SUSD2: variants seen among roughly 807,000 people sequenced by gnomAD.
SUSD2 encodes sushi domain containing 2, also known as sushi domain-containing protein 2.
In SUSD2, 86 loss-of-function variants were observed where a neutral mutation model predicts 93.8. That is an observed-to-expected ratio of 0.92 (90% CI 0.77 to 1.10). The LOEUF is 1.10. SUSD2 is among the 50% of genes least tolerant of loss of function. The pLI, the probability that SUSD2 is intolerant of heterozygous loss-of-function variation, is 0.00. For missense variants in SUSD2, 1,060 were observed against 1,137.0 expected (o/e 0.93, Z 0.97); for synonymous variants, 483 against 485.0 (o/e 1.00, Z 0.05).
intron 6 of SUSD2, 93 bp downstream of exon 6, chr22:24,185,388 G>C: frequency 6.5e-7 from 1 of 1,537,158 alleles, no homozygotes; most frequent in South Asian, 1.2e-5. Flanking sequence ...GTGTCCTGGA[G>C]GGTGGGGCTG....
rs2047380005 is a variant in SUSD2 at position 24,187,773 on chromosome 22, C to A, written c.2094C>A (p.Ser698Arg). 1 of 1,613,902 alleles carries A rather than the reference C, an allele frequency of 6.2e-7. No individual in the cohort carries two copies. Among genetic ancestry groups the A allele is most frequent in the Non-Finnish European group, 8.5e-7 (1 of 1,180,016 alleles). ...ACTTTGATGTGGCAGCCACTGGGAG[C>A]CTGAGCACGGGCACTGCCACTCGGG... Reference protein sequence around the residue: ...FCNFDVAATGSLSTGTATRVA... With the variant: ...FCNFDVAATGRLSTGTATRVA... The change falls in exon 12 of 15, where the codon AGC becomes AGA. Residue 698 changes from serine (S) to arginine (R), a missense_variant. Around this residue, in one of 2 missense-constraint regions of SUSD2, gnomAD observed 973 missense variants for 1,005.3 expected, o/e 0.97. Transcript: ENST00000358321.
In SUSD2 at chr22:24,188,270, C is replaced by A. The variant is rs775599270; in HGVS notation, c.2387C>A (p.Ala796Glu). 6.2e-7 allele frequency: 1 copy of A among 1,604,840 alleles called. No homozygotes were observed. Among genetic ancestry groups the A allele is most frequent in the Non-Finnish European group, 8.5e-7 (1 of 1,175,168 alleles). ...TTGGGCATCATCTTTGGGGGCCTCGCGGTGGTGGCGGCGGTTGCGCTCGTC... is the reference window on the plus strand; with the variant it reads ...TTGGGCATCATCTTTGGGGGCCTCGAGGTGGTGGCGGCGGTTGCGCTCGTC... Reference protein sequence around the residue: ...VLLGIIFGGLAVVAAVALVYV... With the variant: ...VLLGIIFGGLEVVAAVALVYV... Residue 796 changes from alanine to glutamate, a missense_variant, in exon 14 of 15, where the codon GCG becomes GAG. By Grantham distance (107) the Ala-to-Glu change is moderately radical (BLOSUM62 -1). Transcript: ENST00000358321. The surrounding 1 kb of genome is among the most constrained non-coding windows in gnomAD (Gnocchi z 4.7).
At position 24,188,586 on chromosome 22, in the gene SUSD2, A is replaced by G. The variant is rs529717296; in HGVS notation, c.*150A>G. 4.2e-5 allele frequency: 30 copies of G among 713,322 alleles called. No individual in the cohort carries two copies. Among genetic ancestry groups the G allele is most frequent in the Non-Finnish European group, 6.0e-5 (26 of 430,964 alleles). The allele number at this position is 713,322 out of a possible 1,614,324, so 44.2% of individuals were successfully genotyped here. A position where few individuals can be genotyped will look rare whatever the true frequency, so the allele number is the denominator to read the frequency against. On this transcript the variant is annotated 3_prime_UTR_variant, in exon 15 of 15. Coordinates refer to ENST00000358321, the MANE Select transcript of SUSD2 (RefSeq NM_019601.4). The surrounding 1 kb of genome is among the most constrained non-coding windows in gnomAD (Gnocchi z 4.7). ...CCCCTACTCTGTCATCTCAGACCCCAGGCAGGAGGCCCAGTGTTCCAACAC... is the reference window on the plus strand; with the variant it reads ...CCCCTACTCTGTCATCTCAGACCCCGGGCAGGAGGCCCAGTGTTCCAACAC...
chr22:24,188,265 C>T lies in SUSD2; in HGVS notation c.2382C>T (p.Gly794=), dbSNP rs1467652133. ...TGCTGTTGGGCATCATCTTTGGGGG[C>T]CTCGCGGTGGTGGCGGCGGTTGCGC... ...YAVLLGIIFG[G]LAVVAAVALV... The change falls in exon 14 of 15, where the codon GGC becomes GGT. Residue 794 remains glycine (G), a synonymous_variant. Coordinates refer to ENST00000358321, the MANE Select transcript of SUSD2 (RefSeq NM_019601.4). This position sits in a 1 kb window ranked among gnomAD's most constrained non-coding sequence, Gnocchi z 4.7. 1 of 1,604,762 alleles carries T rather than the reference C, an allele frequency of 6.2e-7. No individual in the cohort carries two copies. The highest frequency in any genetic ancestry group is 8.5e-7 in the Non-Finnish European group (1 of 1,174,972).
chr22:24,187,488 G>C, intron 11 of SUSD2, 38 bp downstream of exon 11: 5 of 1,607,212 alleles, frequency 3.1e-6, no homozygotes, highest in Non-Finnish European at 4.3e-6. Flanking sequence ...GACGGGGTGG[G>C]GGTTACTGGA....
At chr22:24,183,955 GAGGGC>G in intron 3 of SUSD2, 176 bp from the exon 4 acceptor site, 1 of 682,278 alleles carries the variant, frequency 1.5e-6, no homozygotes, top group Non-Finnish European at 2.4e-6. Flanking sequence ...GCAGTGGAGG[GAGGGC>G]AGGCCCCTGC....
At chr22:24,186,582 CCACCTGGTCAAAAG>C (rs1420589643) in intron 10 of SUSD2, 167 bp downstream of exon 10, 14 of 772,192 alleles carry the variant, frequency 1.8e-5, no homozygotes, top group African/African-American at 3.5e-5. Flanking sequence ...CCCGTCGTAC[CCACCTGGTCAAAAG>C]CCGAGAGGCC....
chr22:24,184,407 G>C, intron 4 of SUSD2, 104 bp downstream of exon 4: 1 of 1,233,928 alleles, frequency 8.1e-7, no homozygotes, highest in Non-Finnish European at 1.1e-6. Context: ...TTCCAGGTGG[G>C]GTTGAGGAGG....
At position 24,188,504 on chromosome 22, in the gene SUSD2, C is replaced by T; in HGVS notation, c.*68C>T. 6.7e-7 allele frequency: 1 copy of T among 1,495,154 alleles called. No homozygotes were observed. The highest frequency in any genetic ancestry group is 9.2e-7 in the Non-Finnish European group (1 of 1,085,972). The allele number at this position is 1,495,154 out of a possible 1,614,324, so 92.6% of individuals were successfully genotyped here. ...AACAGGCAGCCCAGTCCTGCGACTC[C>T]CGCATCCCCAGGACCAGACACCTGG... On this transcript the variant is annotated 3_prime_UTR_variant, in exon 15 of 15. Transcript: ENST00000358321. This position sits in a 1 kb window ranked among gnomAD's most constrained non-coding sequence, Gnocchi z 4.7.
In SUSD2 at chr22:24,185,498, T is replaced by C. The variant is rs779927420; in HGVS notation, c.997T>C (p.Cys333Arg). The change falls in exon 7 of 15, where the codon TGT becomes CGT. Residue 333 changes from cysteine to arginine, a missense_variant. This residue lies in a region of SUSD2 where 973 missense variants were observed against 1,005.3 expected (regional missense o/e 0.97). Transcript: ENST00000358321. ...DSGRFFTDYG[C>R]DMEQGSVCTY... ...TGCTGCTCTGCAGACGGACTACGGC[T>C]GTGACATGGAGCAGGGCAGCGTGTG... 1.9e-5 allele frequency: 29 copies of C among 1,567,076 alleles called. 1 individual carries two copies. Among genetic ancestry groups the C allele is most frequent in the South Asian group, 1.4e-4 (12 of 85,752 alleles).
intron 10 of SUSD2, 112 bp downstream of exon 10, chr22:24,186,527 G>A (rs2047367697): frequency 7.3e-7 from 1 of 1,362,468 alleles, no homozygotes; most frequent in Non-Finnish European, 9.9e-7. Context: ...CCTGGCTAGA[G>A]GCCTGGGTGG....
In SUSD2 at chr22:24,188,158, C is replaced by A. The variant is rs375265114; in HGVS notation, c.2341+23C>A. ...CAGGTGAGGACACTCTGCTCATACA[C>A]CTGCCTGCACCTGTCCCCACTCACC... is the stretch of plus-strand genomic sequence containing the variant. On this transcript the variant is annotated intron_variant, in intron 13 of 14. Transcript: ENST00000358321. This position sits in a 1 kb window ranked among gnomAD's most constrained non-coding sequence, Gnocchi z 4.7. 4 of 1,602,676 alleles carry A rather than the reference C, an allele frequency of 2.5e-6. No individual in the cohort carries two copies. In the African/African-American group the frequency reaches 4.0e-5, roughly 16 times the overall value.
intron 2 of SUSD2, 66 bp from the exon 3 acceptor site, chr22:24,183,429 G>T: frequency 6.4e-7 from 1 of 1,571,382 alleles, no homozygotes; most frequent in Non-Finnish European, 8.6e-7. Context: ...GGAGGTTGGG[G>T]GCCCAGACCA....
rs779253917 is a variant in SUSD2 at position 24,185,673 on chromosome 22, C to T, written c.1083C>T (p.Gly361=). The stretch of plus-strand genomic sequence containing the variant: ...CTGGCTCCTGCAGCCTCCGGTACGG[C>T]TCAGGTCAGCAGTGCTGCTACACAG... The part of the protein sequence containing the change: ...VRSVQASLRY[G]SGQQCCYTAD... Residue 361 remains glycine (G), a synonymous_variant, in exon 8 of 15, where the codon GGC becomes GGT. Coordinates refer to ENST00000358321, the MANE Select transcript of SUSD2 (RefSeq NM_019601.4). 1 of 1,609,730 alleles carries T rather than the reference C, an allele frequency of 6.2e-7. No individual in the cohort carries two copies. Among genetic ancestry groups the T allele is most frequent in the Non-Finnish European group, 8.5e-7 (1 of 1,178,372 alleles).
At chr22:24,184,348 C>G in intron 4 of SUSD2, 45 bp downstream of exon 4, 2 of 1,596,216 alleles carry the variant, frequency 1.3e-6, no homozygotes, top group African/African-American at 1.3e-5. Flanking sequence ...CTTTGGGCCC[C>G]CAGAGGGGGA....
In SUSD2 at chr22:24,183,509, T is replaced by C; in HGVS notation, c.302T>C (p.Ile101Thr). The change falls in exon 3 of 15, where the codon ATC becomes ACC. Residue 101 changes from isoleucine (I) to threonine (T), a missense_variant. Ile to Thr is a moderately conservative substitution (Grantham distance 89). This residue lies in a region of SUSD2 where 973 missense variants were observed against 1,005.3 expected (regional missense o/e 0.97). Transcript: ENST00000358321. ...CACGCCCACAGGTTTAAGGACAGCA[T>C]CCAGACCCTCGGCCATGTGGACTCC... The part of the protein sequence containing the change: ...ASVICRFKDS[I>T]QTLGHVDSSG... The C allele has an allele frequency of 6.2e-7, 1 of 1,612,574 alleles. No homozygotes were observed. Among genetic ancestry groups the C allele is most frequent in the Non-Finnish European group, 8.5e-7 (1 of 1,179,900 alleles).
rs369330507 is a variant in SUSD2 at position 24,184,815 on chromosome 22, C to T, written c.657C>T (p.Pro219=). The T allele has an allele frequency of 6.2e-7, 1 of 1,613,176 alleles. No individual in the cohort carries two copies. Among genetic ancestry groups the T allele is most frequent in the Admixed American group, 1.7e-5 (1 of 59,890 alleles). ...CTGCAAAGTGGTCGTACCTGTACCCCCTGGCCACACACATCCCCAACTCCG... is the reference window on the plus strand; with the variant it reads ...CTGCAAAGTGGTCGTACCTGTACCCTCTGGCCACACACATCCCCAACTCCG... ...EWTAKWSYLY[P]LATHIPNSGS... is the part of the protein sequence containing the mutation. Residue 219 remains proline (P), a synonymous_variant, in exon 5 of 15, where the codon CCC becomes CCT. Coordinates refer to ENST00000358321, the MANE Select transcript of SUSD2 (RefSeq NM_019601.4).
At chr22:24,185,610 CAG>C (rs769548344) in intron 7 of SUSD2, 39 bp downstream of exon 7, 3 of 1,604,762 alleles carry the variant, frequency 1.9e-6, no homozygotes, top group Non-Finnish European at 2.5e-6. Context: ...GGATTGGGGT[CAG>C]GGGTGGGCTC....
Position 24,185,938 on chromosome 22 carries a change from C to A in SUSD2, c.1339+9C>A. 6.4e-7 allele frequency: 1 copy of A among 1,568,240 alleles called. No homozygotes were observed. Among genetic ancestry groups the A allele is most frequent in the East Asian group, 2.3e-5 (1 of 43,594 alleles). On this transcript the variant is annotated intron_variant, in intron 8 of 14. Transcript: ENST00000358321. ...CCGGCCCCCAAGACTGGGTGGGTGC[C>A]ATCCCGTGCCCCAGACCCTGGGAAA...
Sources: allele counts gnomAD v4.1 joint callset, GRCh38; gene constraint gnomAD v4.1.1; regional missense constraint gnomAD v4.1.1; non-coding constraint Gnocchi (gnomAD v3.1); transcripts MANE v1.5; gene names NCBI Gene and HGNC (gene_info 2026-07-23, HGNC 2026-07-21).